Variants in RTN4 observed in about 807,000 individuals in gnomAD.
The protein encoded by RTN4 is reticulon-4.
Under a neutral mutation model 90.4 loss-of-function variants are expected in RTN4, and 32 were observed. The observed-to-expected ratio is 0.35, with a 90% confidence interval of 0.27 to 0.48. The LOEUF (loss-of-function observed/expected upper bound fraction) is 0.48. Among genes scored for constraint, RTN4 ranks in the 20% least tolerant of loss-of-function variants. RTN4 has a pLI of 0.99. For missense variants in RTN4, 1,706 were observed against 1,430.2 expected (o/e 1.19, Z -3.11); for synonymous variants, 629 against 552.5 (o/e 1.14, Z -1.94).
At chr2:55,000,501 T>C (rs1679776415) in intron 3 of RTN4, among the ~76,000 whole-genome samples, 1 of 152,202 alleles carries the variant, frequency 6.6e-6, no homozygotes, top group South Asian at 2.1e-4. Context: ...CAGCAAAATT[T>C]CTATACTTCC....
chr2:55,101,097 G>A (rs950415803), intron 1 of RTN4, among the ~76,000 whole-genome samples: 1 of 151,776 alleles, frequency 6.6e-6, no homozygotes, highest in Admixed American at 6.6e-5. Flanking sequence ...ACAAAAACAA[G>A]CTCCAAACAG....
the RTN4 span, among the ~76,000 whole-genome samples, chr2:55,131,235 G>C: frequency 6.9e-6 from 1 of 144,792 alleles, no homozygotes; most frequent in Non-Finnish European, 1.5e-5. Flanking sequence ...TTGACATAAG[G>C]TCTCACCCTT....
At chr2:55,124,444 G>A in the RTN4 span, among the ~76,000 whole-genome samples, 1 of 152,184 alleles carries the variant, frequency 6.6e-6, no homozygotes, top group Non-Finnish European at 1.5e-5. Flanking sequence ...AGCCAAATCA[G>A]AAAGGCAATC....
At chr2:55,013,128 T>C (rs1193377618) in intron 3 of RTN4, among the ~76,000 whole-genome samples, 2 of 152,210 alleles carry the variant, frequency 1.3e-5, no homozygotes, top group Non-Finnish European at 2.9e-5. Flanking sequence ...AAAACTCCTT[T>C]ATTTATACTG....
chr2:55,077,075 C>T (rs1292305076), intron 2 of RTN4, among the ~76,000 whole-genome samples: 4 of 150,600 alleles, frequency 2.7e-5, no homozygotes, highest in Admixed American at 1.3e-4. Context: ...TGCAGTGGCG[C>T]GATCTCGGCT....
At chr2:55,075,332 G>T (rs1668581303) in intron 2 of RTN4, among the ~76,000 whole-genome samples, 1 of 152,060 alleles carries the variant, frequency 6.6e-6, no homozygotes, top group Admixed American at 6.6e-5. Flanking sequence ...TACAATTGTT[G>T]CCAAAAACAA....
At chr2:55,010,133 T>C in intron 3 of RTN4, 2 of 1,613,512 alleles carry the variant, frequency 1.2e-6, no homozygotes, top group Non-Finnish European at 1.7e-6. Context: ...CTTGTCACGA[T>C]CTGCTTTGCA....
At chr2:55,091,835 C>T (rs894618209) in intron 1 of RTN4, among the ~76,000 whole-genome samples, 12 of 61,968 alleles carry the variant, frequency 1.9e-4, no homozygotes, top group African/African-American at 9.0e-4. Flanking sequence ...TACATGGCAG[C>T]GGCAAGAGAA....
chr2:55,101,582 C>T (rs1401132925), intron 1 of RTN4, among the ~76,000 whole-genome samples: 3 of 151,982 alleles, frequency 2.0e-5, no homozygotes, highest in East Asian at 1.9e-4. Context: ...TTAGAACAAT[C>T]AACAAACCAC....
the RTN4 span, among the ~76,000 whole-genome samples, chr2:55,119,585 G>T: frequency 1.6e-4 from 24 of 152,294 alleles, no homozygotes; most frequent in South Asian, 5.0e-3. Context: ...TTTCTTCATA[G>T]AACTTGTATT....
Position 55,025,169 on chromosome 2 carries a change from G to T in RTN4, c.2930C>A (p.Ala977Asp). Residue 977 changes from alanine (A) to aspartate (D), a missense_variant, in exon 3 of 9, where the codon GCT becomes GAT. Coordinates refer to ENST00000337526, the MANE Select transcript of RTN4 (RefSeq NM_020532.5). ...TGTATCGGAAGGAAGTTTTTTCTCA[G>T]CTTCTTTCACAAGAACTTTGGGTTT... The part of the protein sequence containing the change: ...IVKPKVLVKE[A>D]EKKLPSDTEK... The T allele has an allele frequency of 6.2e-7, 1 of 1,613,712 alleles. No homozygotes were observed. Among genetic ancestry groups the T allele is most frequent in the Non-Finnish European group, 8.5e-7 (1 of 1,179,786 alleles).
intron 3 of RTN4, among the ~76,000 whole-genome samples, chr2:55,015,152 C>A (rs1003457869): frequency 2.0e-5 from 3 of 151,954 alleles, no homozygotes; most frequent in African/African-American, 7.3e-5. Flanking sequence ...TAGATGGCAC[C>A]AACACCCGTA....
At position 55,103,272 on chromosome 2, in the gene RTN4, C is replaced by T. The variant is rs72795485; in HGVS notation, c.-214+9248G>A. Among the ~76,000 whole-genome samples the T allele has an allele frequency of 8.6e-3, 1,307 of 151,880 alleles. 9 individuals are homozygous for T. Among genetic ancestry groups the T allele is most frequent in the Non-Finnish European group, 0.015 (1,032 of 67,970 alleles). ...ACTTACATGTGGAACCTAAAAAAGT[C>T]GAACTCAGGGCAGAGAGTAGAATTG... On this transcript the variant is annotated intron_variant, in intron 1 of 3. Transcript: ENST00000427710.
intron 1 of RTN4, among the ~76,000 whole-genome samples, chr2:55,092,832 C>A (rs965388501): frequency 6.6e-6 from 1 of 152,262 alleles, no homozygotes; most frequent in African/African-American, 2.4e-5. Context: ...CTAGAAGCGG[C>A]CCCAGGAAAA....
At chr2:55,119,671 A>G in the RTN4 span, among the ~76,000 whole-genome samples, 1 of 152,202 alleles carries the variant, frequency 6.6e-6, no homozygotes, top group Admixed American at 6.5e-5. Context: ...TACAGGGGGC[A>G]AAAAAGCAAA....
In RTN4 at chr2:55,050,217, C is replaced by A; in HGVS notation, c.84G>T (p.Val28=). 6.4e-7 allele frequency: 1 copy of A among 1,565,288 alleles called. No homozygotes were observed. Among genetic ancestry groups the A allele is most frequent in the Non-Finnish European group, 8.6e-7 (1 of 1,158,632 alleles). The change falls in exon 1 of 9, where the codon GTG becomes GTT. Residue 28 remains valine (V), a synonymous_variant. Transcript: ENST00000337526. This position sits in a 1 kb window ranked among gnomAD's most constrained non-coding sequence, Gnocchi z 4.6. ...CTTCCTCCTCGTCCTCGGGCTCCCT[C>A]ACGAACTGGTACTTGAACGCGGGCT... ...RPQPAFKYQF[V]REPEDEEEEE... is the part of the protein sequence containing the mutation.
intron 1 of RTN4, among the ~76,000 whole-genome samples, chr2:55,081,141 C>T (rs948380927): frequency 1.3e-5 from 2 of 152,120 alleles, no homozygotes; most frequent in Non-Finnish European, 2.9e-5. Context: ...GTGGCATGAT[C>T]ACAGCTCACT....
At chr2:54,990,103 A>G (rs375735138) in intron 3 of RTN4, among the ~76,000 whole-genome samples, 1 of 152,256 alleles carries the variant, frequency 6.6e-6, no homozygotes, top group East Asian at 1.9e-4. Context: ...CAGGAAAGTC[A>G]CTAAAGTCCT....
chr2:54,987,114 G>C (rs1259580938), intron 4 of RTN4, among the ~76,000 whole-genome samples: 1 of 151,846 alleles, frequency 6.6e-6, no homozygotes, highest in East Asian at 1.9e-4. Flanking sequence ...CAGCATACTA[G>C]AAAGATACGA....
Sources: allele counts gnomAD v4.1 joint callset (sites outside exome capture counted in the v4.1 genomes callset), GRCh38; gene constraint gnomAD v4.1.1; non-coding constraint Gnocchi (gnomAD v3.1); transcripts MANE v1.5; gene names NCBI Gene and HGNC (gene_info 2026-07-23, HGNC 2026-07-21).